Variants in ULK4 observed in about 807,000 individuals in gnomAD.
ULK4 encodes the protein inactive serine/threonine-protein kinase ULK4.
ULK4 carries 133 observed loss-of-function variants against 160.6 expected under a neutral mutation model. The observed-to-expected ratio is 0.83, with a 90% CI of 0.72 to 0.96. The LOEUF is 0.96. Ranked by LOEUF, ULK4 falls within the 40% of genes least tolerant of loss-of-function variation. The pLI, the probability that ULK4 is intolerant of heterozygous loss-of-function variation, is 0.00. For missense variants in ULK4, 1,580 were observed against 1,499.5 expected (o/e 1.05, Z -0.89); for synonymous variants, 534 against 539.8 (o/e 0.99, Z 0.15).
At chr3:41,327,103 ATTTAT>A in intron 35 of ULK4, among the ~76,000 whole-genome samples, 1 of 152,216 alleles carries the variant, frequency 6.6e-6, no homozygotes, top group South Asian at 2.1e-4. Flanking sequence ...CTTTGGGGCT[ATTTAT>A]TTTATTTCTT....
At chr3:41,318,814 T>C (rs527443796) in intron 35 of ULK4, among the ~76,000 whole-genome samples, 1 of 152,302 alleles carries the variant, frequency 6.6e-6, no homozygotes, top group East Asian at 1.9e-4. Context: ...AGTCATGGCT[T>C]GCAAAGAAAA....
intron 35 of ULK4, among the ~76,000 whole-genome samples, chr3:41,250,082 C>T (rs758504998): frequency 3.3e-5 from 5 of 152,106 alleles, no homozygotes; most frequent in Admixed American, 2.0e-4. Context: ...CCATGCTAAT[C>T]GCCACAGTCC....
At chr3:41,546,408 A>G (rs1326792517) in intron 32 of ULK4, among the ~76,000 whole-genome samples, 1 of 152,154 alleles carries the variant, frequency 6.6e-6, no homozygotes, top group African/African-American at 2.4e-5. Flanking sequence ...ATTTCAGGCT[A>G]GTTTAGCTTT....
intron 20 of ULK4, among the ~76,000 whole-genome samples, chr3:41,794,485 G>A (rs2040235789): frequency 6.6e-6 from 1 of 151,752 alleles, no homozygotes; most frequent in African/African-American, 2.4e-5. Context: ...CCAACATGGT[G>A]AAACCCTATC....
chr3:41,710,983 T>C (rs545071139), intron 25 of ULK4, among the ~76,000 whole-genome samples: 2 of 151,512 alleles, frequency 1.3e-5, no homozygotes, highest in East Asian at 3.9e-4. Context: ...AAATCAGGGG[T>C]GGTGGGCCGA....
intron 34 of ULK4, among the ~76,000 whole-genome samples, chr3:41,413,641 T>C (rs1475216294): frequency 2.6e-5 from 4 of 152,296 alleles, no homozygotes; most frequent in South Asian, 2.1e-4. Flanking sequence ...GGAACCGTCT[T>C]TTTTGTTTTC....
At chr3:41,849,256 T>C (rs368253997) in intron 17 of ULK4, among the ~76,000 whole-genome samples, 30 of 152,300 alleles carry the variant, frequency 2.0e-4, no homozygotes, top group East Asian at 1.2e-3. Context: ...TTGTATTACT[T>C]TAAAAGAATT....
At chr3:41,657,139 T>C (rs530063157) in intron 30 of ULK4, among the ~76,000 whole-genome samples, 5 of 151,606 alleles carry the variant, frequency 3.3e-5, no homozygotes, top group Non-Finnish European at 7.4e-5. Context: ...ACTGTTTTTT[T>C]AAAAAAAAAT....
intron 27 of ULK4, among the ~76,000 whole-genome samples, chr3:41,702,685 A>C (rs2036717618): frequency 6.6e-6 from 1 of 152,166 alleles, no homozygotes; most frequent in South Asian, 2.1e-4. Context: ...ATAATTTGAA[A>C]TTTGCATACA....
intron 22 of ULK4, among the ~76,000 whole-genome samples, chr3:41,748,309 G>A (rs115882351): frequency 0.041 from 6,107 of 148,968 alleles, 381 homozygotes; most frequent in African/African-American, 0.14. Flanking sequence ...ACACAGACAC[G>A]CACATACCAT....
chr3:41,862,913 G>T (rs1366264810), intron 17 of ULK4, among the ~76,000 whole-genome samples: 1 of 151,754 alleles, frequency 6.6e-6, no homozygotes, highest in Admixed American at 6.6e-5. Context: ...TCAGACCTGA[G>T]AAGTGCTAGG....
intron 34 of ULK4, among the ~76,000 whole-genome samples, chr3:41,442,857 T>C (rs777874442): frequency 1.3e-5 from 2 of 152,216 alleles, no homozygotes; most frequent in Non-Finnish European, 2.9e-5. Flanking sequence ...ATTAAAAACA[T>C]GGAGAATTAA....
intron 34 of ULK4, among the ~76,000 whole-genome samples, chr3:41,413,818 T>C (rs1273905236): frequency 6.6e-6 from 1 of 152,236 alleles, no homozygotes; most frequent in Non-Finnish European, 1.5e-5. Flanking sequence ...GCTTTCTTCA[T>C]GCTTCCCACT....
rs33987084 is a variant in ULK4 at position 41,878,675 on chromosome 3, T to TAAAAAAA, written c.1656+5192_1656+5198dup. ...AATAATCGATTGATGTTAAAACTGT[T>TAAAAAAA]AAAAAAAAAAAAAAAAAAAAAGAGT... On this transcript the variant is annotated intron_variant, in intron 17 of 36. Transcript: ENST00000301831. Among the ~76,000 whole-genome samples the TAAAAAAA allele has an allele frequency of 6.6e-4, 63 of 95,900 alleles. 1 individual carries two copies. Among genetic ancestry groups the TAAAAAAA allele is most frequent in the East Asian group, 4.8e-3 (15 of 3,124 alleles). The allele number at this position is 95,900 out of a possible 152,430, so 62.9% of individuals were successfully genotyped here.
rs967762650 is a variant in ULK4, at chr3:41,875,712, G to GT, written c.1656+8161dup. 2.0e-3 allele frequency among the ~76,000 whole-genome samples: 219 copies of GT among 108,214 alleles called. 6 individuals are homozygous for GT. The South Asian group carries it at 0.033, about 16-fold the overall frequency. 71.0% of individuals were successfully genotyped at this position (108,214 alleles called of 152,430 possible). On this transcript the variant is annotated intron_variant, in intron 17 of 36. Transcript: ENST00000301831. ...ATACAATGATTAACATTTCCTGAAT[G>GT]TTTTTTTTTAGAAAAATGTTAAAAC...
At chr3:41,573,399 T>C (rs1157797412) in intron 31 of ULK4, among the ~76,000 whole-genome samples, 1 of 152,188 alleles carries the variant, frequency 6.6e-6, no homozygotes, top group Non-Finnish European at 1.5e-5. Context: ...ACTGTGATAT[T>C]TGACAAGGTA....
Position 41,938,197 on chromosome 3 carries a change from C to A in ULK4, c.139G>T (p.Val47Phe). 1 of 1,609,246 alleles carries A rather than the reference C, an allele frequency of 6.2e-7. No homozygotes were observed. Among genetic ancestry groups the A allele is most frequent in the South Asian group, 1.1e-5 (1 of 90,540 alleles). ...KCKRPEITNW[V>F]RLTREIKHKN... ...TGTTTTATTTCACGGGTGAGACGGA[C>A]CTATAAAAACACAGAGCAATCACTC... is the stretch of plus-strand genomic sequence containing the variant. The change falls in exon 3 of 37, where the codon GTC (valine) becomes TTC (phenylalanine). Residue 47 changes from valine to phenylalanine, a missense_variant and splice_region_variant. Val to Phe is a conservative substitution (Grantham distance 50). Transcript: ENST00000301831.
intron 1 of ULK4, 28 bp from the exon 2 acceptor site, chr3:41,954,835 T>C: frequency 7.1e-7 from 1 of 1,403,842 alleles, no homozygotes; most frequent in Non-Finnish European, 9.7e-7. Flanking sequence ...ATGACATTGA[T>C]AAATGCAAGT....
intron 34 of ULK4, among the ~76,000 whole-genome samples, chr3:41,418,450 G>C (rs931930119): frequency 1.3e-4 from 19 of 151,690 alleles, no homozygotes; most frequent in African/African-American, 4.1e-4. Context: ...CCACGTAGAA[G>C]TGGACCTGTA....
Sources: allele counts gnomAD v4.1 joint callset (sites outside exome capture counted in the v4.1 genomes callset), GRCh38; gene constraint gnomAD v4.1.1; transcripts MANE v1.5; gene names NCBI Gene and HGNC (gene_info 2026-07-23, HGNC 2026-07-21).